NALF1: variants seen among roughly 807,000 people sequenced by gnomAD.
NALF1 encodes NALCN channel auxiliary factor 1.
A neutral mutation model predicts 48.4 loss-of-function variants in NALF1; 3 were observed. The observed-to-expected ratio is 0.06, with a 90% confidence interval of 0.03 to 0.16. NALF1 has a LOEUF of 0.16. Among genes scored for constraint, NALF1 ranks in the 10% least tolerant of loss-of-function variants. The pLI is 1.00. For missense variants in NALF1, 526 were observed against 571.5 expected (o/e 0.92, Z 0.81); for synonymous variants, 262 against 245.7 (o/e 1.07, Z -0.62).
chr13:107,726,913 T>TTCTGTGTGTG (rs765487919), intron 1 of NALF1, among the ~76,000 whole-genome samples: 1,265 of 126,454 alleles, frequency 0.01, 28 homozygotes, highest in African/African-American at 0.017. Flanking sequence ...CGGCAAATTC[T>TTCTGTGTGTG]TGTGTGTGTG....
chr13:107,782,534 C>A (rs1321419888), intron 1 of NALF1, among the ~76,000 whole-genome samples: 4 of 151,364 alleles, frequency 2.6e-5, no homozygotes, highest in Non-Finnish European at 4.4e-5. Context: ...ATGTTAGGAG[C>A]CCCTCTGCCT....
intron 1 of NALF1, among the ~76,000 whole-genome samples, chr13:107,386,806 G>A (rs539459829): frequency 6.6e-6 from 1 of 152,072 alleles, no homozygotes; most frequent in Non-Finnish European, 1.5e-5. Flanking sequence ...TTTCCATGCC[G>A]AGAGCTTAGA....
At chr13:107,516,187 A>G (rs1205160611) in intron 1 of NALF1, among the ~76,000 whole-genome samples, 2 of 152,230 alleles carry the variant, frequency 1.3e-5, no homozygotes, top group Non-Finnish European at 2.9e-5. Context: ...TGCAATAAAG[A>G]GTTCTCATCC....
intron 1 of NALF1, among the ~76,000 whole-genome samples, chr13:107,462,523 G>A (rs1884935799): frequency 6.6e-6 from 1 of 151,196 alleles, no homozygotes; most frequent in Non-Finnish European, 1.5e-5. Context: ...AATGACACAT[G>A]GCAGGTGGTG....
At chr13:107,675,132 A>G (rs1277528383) in intron 1 of NALF1, among the ~76,000 whole-genome samples, 2 of 152,218 alleles carry the variant, frequency 1.3e-5, no homozygotes, top group African/African-American at 4.8e-5. Context: ...CTCAATTCAA[A>G]TATCACCTTT....
At chr13:107,821,375 C>T (rs1460140007) in intron 1 of NALF1, among the ~76,000 whole-genome samples, 1 of 152,104 alleles carries the variant, frequency 6.6e-6, no homozygotes, top group African/African-American at 2.4e-5. Flanking sequence ...AAAAGTCATG[C>T]TACTGTAATG....
intron 1 of NALF1, among the ~76,000 whole-genome samples, chr13:107,501,649 C>T (rs971522070): frequency 1.3e-5 from 2 of 152,078 alleles, no homozygotes; most frequent in African/African-American, 4.8e-5. Flanking sequence ...CAGAATTTTA[C>T]TTTCTGTTGA....
intron 1 of NALF1, among the ~76,000 whole-genome samples, chr13:107,593,096 C>A (rs918952772): frequency 1.3e-5 from 2 of 151,792 alleles, no homozygotes; most frequent in African/African-American, 4.8e-5. Flanking sequence ...GGTGGTCCTG[C>A]ATCTCCTTGA....
At chr13:107,205,143 C>T (rs1446717270) in intron 2 of NALF1, among the ~76,000 whole-genome samples, 2 of 151,954 alleles carry the variant, frequency 1.3e-5, no homozygotes, top group African/African-American at 4.8e-5. Context: ...TCTCCCAATG[C>T]TATCCCTCCC....
chr13:107,272,372 G>T (rs1003746432), intron 1 of NALF1, among the ~76,000 whole-genome samples: 1 of 60,466 alleles, frequency 1.7e-5, no homozygotes, highest in Non-Finnish European at 3.9e-5. Context: ...CCGCCACCAC[G>T]CCCGGCTAAT....
chr13:107,581,228 C>A (rs1284290777), intron 1 of NALF1, among the ~76,000 whole-genome samples: 2 of 152,110 alleles, frequency 1.3e-5, no homozygotes, highest in Non-Finnish European at 2.9e-5. Context: ...GTCATTGTCT[C>A]TTCTTGGTAT....
At chr13:107,188,851 T>A (rs1425386002) in intron 2 of NALF1, among the ~76,000 whole-genome samples, 1 of 152,178 alleles carries the variant, frequency 6.6e-6, no homozygotes, top group South Asian at 2.1e-4. Flanking sequence ...ATGAATTGAA[T>A]GTAGTAGAAC....
At chr13:107,547,338 C>A (rs1221575804) in intron 1 of NALF1, among the ~76,000 whole-genome samples, 1 of 152,058 alleles carries the variant, frequency 6.6e-6, no homozygotes, top group Non-Finnish European at 1.5e-5. Flanking sequence ...ATCCCAGATT[C>A]TTTAATTTGA....
intron 1 of NALF1, among the ~76,000 whole-genome samples, chr13:107,720,814 C>G (rs984335609): frequency 2.6e-5 from 4 of 152,186 alleles, no homozygotes; most frequent in Non-Finnish European, 5.9e-5. Context: ...GTGTTTACTC[C>G]TTCCTTCTGG....
Position 107,832,676 on chromosome 13 carries a change from T to C in NALF1, c.915+33006A>G, listed in dbSNP as rs531199441. On this transcript the variant is annotated intron_variant, in intron 1 of 2. Coordinates refer to ENST00000375915, the MANE Select transcript of NALF1 (RefSeq NM_001080396.3). ...CCTTTCATTAACATCCATAGAGTCC[T>C]GTCCATTGTGGCAGCCAGAAGCCTT... Among the ~76,000 whole-genome samples, 21 of 152,296 alleles carry C rather than the reference T, an allele frequency of 1.4e-4. No homozygotes were observed. In the South Asian group the frequency reaches 4.4e-3, roughly 32 times the overall value.
rs1356015371 is a variant in NALF1, at chr13:107,395,345, A to C, written c.916-184590T>G. Among the ~76,000 whole-genome samples, 4 of 152,166 alleles carry C rather than the reference A, an allele frequency of 2.6e-5. No individual in the cohort carries two copies. In the East Asian group the frequency reaches 7.7e-4, roughly 29 times the overall value. ...GGAGATGATTCCAGGAAAAGCCAAGATCTTCCCAACACTAAAGGCAGTAAT... is the reference window on the plus strand; with the variant it reads ...GGAGATGATTCCAGGAAAAGCCAAGCTCTTCCCAACACTAAAGGCAGTAAT... On this transcript the variant is annotated intron_variant, in intron 1 of 2. Coordinates refer to ENST00000375915, the MANE Select transcript of NALF1 (RefSeq NM_001080396.3).
intron 1 of NALF1, among the ~76,000 whole-genome samples, chr13:107,837,695 G>A (rs1337407821): frequency 9.5e-6 from 1 of 105,238 alleles, no homozygotes; most frequent in African/African-American, 3.0e-5. Flanking sequence ...CAGACTCCCA[G>A]GAGTCAGCGT....
At chr13:107,703,604 C>G (rs560675681) in intron 1 of NALF1, among the ~76,000 whole-genome samples, 1 of 152,122 alleles carries the variant, frequency 6.6e-6, no homozygotes, top group Admixed American at 6.5e-5. Flanking sequence ...CCGCCCACCT[C>G]GGCAACCCAA....
At chr13:107,759,863 C>A (rs1311622148) in intron 1 of NALF1, among the ~76,000 whole-genome samples, 1 of 152,088 alleles carries the variant, frequency 6.6e-6, no homozygotes, top group Non-Finnish European at 1.5e-5. Context: ...CATCCTCCAG[C>A]TGTGTCATGC....
Sources: gnomAD v4.1 joint callset for allele counts (sites outside exome capture counted in the v4.1 genomes callset) on GRCh38, gnomAD v4.1.1 for gene constraint, MANE v1.5 for transcripts, NCBI Gene and HGNC (gene_info 2026-07-23, HGNC 2026-07-21) for gene names.